The following KCNIP4 variants were observed in gnomAD, a reference collection of about 807,000 sequenced individuals.
KCNIP4 encodes potassium voltage-gated channel interacting protein 4.
A neutral mutation model predicts 34.0 loss-of-function variants in KCNIP4; 12 were observed. The observed-to-expected ratio is 0.35, with a 90% CI of 0.23 to 0.57. The LOEUF (loss-of-function observed/expected upper bound fraction) is 0.57. Among genes scored for constraint, KCNIP4 ranks in the 20% least tolerant of loss-of-function variants. KCNIP4 has a pLI of 0.83. For missense variants in KCNIP4, 238 were observed against 311.7 expected (o/e 0.76, Z 1.78); for synonymous variants, 124 against 102.2 (o/e 1.21, Z -1.29).
chr4:21,408,413 A>G (rs2109579245), intron 1 of KCNIP4, among the ~76,000 whole-genome samples: 2 of 152,300 alleles, frequency 1.3e-5, no homozygotes, highest in Non-Finnish European at 2.9e-5. Flanking sequence ...GCAAGGAGGC[A>G]CAGAGGAGAA....
At position 21,190,704 on chromosome 4, in the gene KCNIP4, A is replaced by G. The variant is rs190727129; in HGVS notation, c.62-307995T>C. Among the ~76,000 whole-genome samples the G allele has an allele frequency of 2.8e-4, 42 of 152,150 alleles. 1 individual carries two copies. Among genetic ancestry groups the G allele is most frequent in the Admixed American group, 2.2e-3 (34 of 15,238 alleles). On this transcript the variant is annotated intron_variant, in intron 1 of 8. Transcript: ENST00000382152. The stretch of plus-strand genomic sequence containing the variant: ...CTAGGGATGTTGTACTTTATTTGCC[A>G]TCTCTTAAAAAAGGAATTAAAAAAT...
At chr4:21,307,447 G>A (rs1712609753) in intron 1 of KCNIP4, among the ~76,000 whole-genome samples, 1 of 152,074 alleles carries the variant, frequency 6.6e-6, no homozygotes, top group Non-Finnish European at 1.5e-5. Flanking sequence ...CTGAACCAGT[G>A]TTATTTTCCT....
chr4:21,660,347 A>G (rs1001538632), intron 1 of KCNIP4, among the ~76,000 whole-genome samples: 1 of 152,182 alleles, frequency 6.6e-6, no homozygotes, highest in Non-Finnish European at 1.5e-5. Flanking sequence ...TAACTACACT[A>G]TGATTTTTCT....
intron 1 of KCNIP4, among the ~76,000 whole-genome samples, chr4:21,295,484 C>A (rs1238401332): frequency 6.6e-6 from 1 of 152,036 alleles, no homozygotes; most frequent in Non-Finnish European, 1.5e-5. Context: ...ATGACCTTGG[C>A]TCTCCCTCCA....
At chr4:21,298,912 C>G (rs1763997637) in intron 1 of KCNIP4, among the ~76,000 whole-genome samples, 1 of 152,070 alleles carries the variant, frequency 6.6e-6, no homozygotes, top group African/African-American at 2.4e-5. Flanking sequence ...AAATTATTAG[C>G]CATTGCCCTT....
At chr4:21,049,386 G>A (rs951231917) in intron 1 of KCNIP4, among the ~76,000 whole-genome samples, 2 of 152,182 alleles carry the variant, frequency 1.3e-5, no homozygotes, top group African/African-American at 4.8e-5. Context: ...GTTTTGGTGT[G>A]GTCTTTAATA....
intron 1 of KCNIP4, among the ~76,000 whole-genome samples, chr4:21,826,794 T>C (rs1722700922): frequency 6.6e-6 from 1 of 152,092 alleles, no homozygotes; most frequent in Non-Finnish European, 1.5e-5. Context: ...ATAAATATGA[T>C]CATCTACATA....
intron 1 of KCNIP4, among the ~76,000 whole-genome samples, chr4:21,182,026 G>A (rs191191062): frequency 2.6e-5 from 4 of 152,220 alleles, no homozygotes; most frequent in Non-Finnish European, 5.9e-5. Context: ...AGTCAGAGGA[G>A]ATATAATTAT....
intron 1 of KCNIP4, among the ~76,000 whole-genome samples, chr4:21,184,445 G>A (rs781376069): frequency 1.3e-5 from 2 of 152,122 alleles, no homozygotes; most frequent in African/African-American, 4.8e-5. Flanking sequence ...TTGCCTAGAG[G>A]AGGAGAAGAA....
chr4:20,919,748 G>A (rs1184726372), intron 1 of KCNIP4, among the ~76,000 whole-genome samples: 1 of 149,266 alleles, frequency 6.7e-6, no homozygotes, highest in East Asian at 2.0e-4. Flanking sequence ...TTTTAATATT[G>A]TTTGGCGGGG....
chr4:21,193,633 G>A (rs529553645), intron 1 of KCNIP4, among the ~76,000 whole-genome samples: 35 of 143,878 alleles, frequency 2.4e-4, no homozygotes, highest in Middle Eastern at 3.7e-3. Flanking sequence ...GTGCAGTGGC[G>A]CAATCTGGGC....
At chr4:21,872,284 T>C (rs1225813025) in intron 1 of KCNIP4, among the ~76,000 whole-genome samples, 2 of 152,114 alleles carry the variant, frequency 1.3e-5, no homozygotes, top group Non-Finnish European at 2.9e-5. Context: ...CTGAGAAACG[T>C]GAACGCCTGG....
chr4:21,720,225 C>A (rs535743397), intron 1 of KCNIP4, among the ~76,000 whole-genome samples: 57 of 152,086 alleles, frequency 3.7e-4, no homozygotes, highest in African/African-American at 1.4e-3. Flanking sequence ...AGGCCAGTTG[C>A]GTTCAATACC....
intron 1 of KCNIP4, among the ~76,000 whole-genome samples, chr4:21,166,810 G>T (rs1211239960): frequency 6.6e-6 from 1 of 151,876 alleles, no homozygotes; most frequent in Non-Finnish European, 1.5e-5. Context: ...GTAGTGGCAG[G>T]TGCCTCTAAT....
intron 1 of KCNIP4, among the ~76,000 whole-genome samples, chr4:21,377,369 G>T (rs1204322468): frequency 6.6e-6 from 1 of 152,120 alleles, no homozygotes; most frequent in Non-Finnish European, 1.5e-5. Context: ...ACCAAGTCCA[G>T]CTAAGACAAA....
chr4:21,440,545 C>T (rs1483810959), intron 1 of KCNIP4, among the ~76,000 whole-genome samples: 1 of 152,176 alleles, frequency 6.6e-6, no homozygotes, highest in Admixed American at 6.5e-5. Context: ...TAGTAATTTT[C>T]CAGTGTATTA....
intron 1 of KCNIP4, among the ~76,000 whole-genome samples, chr4:21,520,336 T>A (rs190699047): frequency 7.9e-4 from 120 of 152,218 alleles, no homozygotes; most frequent in Non-Finnish European, 1.1e-3. Context: ...TGATCTCAGT[T>A]TTCCAGCCTC....
intron 1 of KCNIP4, among the ~76,000 whole-genome samples, chr4:21,384,007 T>G (rs1171251765): frequency 6.6e-6 from 1 of 152,160 alleles, no homozygotes; most frequent in African/African-American, 2.4e-5. Flanking sequence ...CCCAGCCACA[T>G]GGGCTTCTTG....
intron 1 of KCNIP4, among the ~76,000 whole-genome samples, chr4:21,817,194 A>G (rs1722039157): frequency 1.3e-5 from 2 of 152,236 alleles, no homozygotes; most frequent in Non-Finnish European, 2.9e-5. Flanking sequence ...AGGGACCCCA[A>G]ATGGAGGGAC....
Sources: gnomAD v4.1 joint callset for allele counts (sites outside exome capture counted in the v4.1 genomes callset) on GRCh38, gnomAD v4.1.1 for gene constraint, MANE v1.5 for transcripts, NCBI Gene and HGNC (gene_info 2026-07-23, HGNC 2026-07-21) for gene names.